Variants in ZNF491 observed in about 807,000 individuals in gnomAD.
ZNF491 encodes the protein zinc finger protein 491.
In ZNF491, 22 loss-of-function variants were observed where a neutral mutation model predicts 34.7. That is an observed-to-expected ratio of 0.63 (90% CI 0.45 to 0.90). ZNF491 has a LOEUF of 0.90. Ranked by LOEUF, ZNF491 falls within the 40% of genes least tolerant of loss-of-function variation. The probability of loss-of-function intolerance (pLI) is 0.00; values close to 1 mark genes in which losing one functional copy is unlikely to be tolerated. For synonymous variants in ZNF491, 148 were observed against 174.3 expected, an observed-to-expected ratio of 0.85 and a Z score of 1.19; for missense variants, 559 against 531.7, an observed-to-expected ratio of 1.05 and a Z score of -0.51.
At chr19:11,805,269 C>T (rs992879244) in intron 2 of ZNF491, among the ~76,000 whole-genome samples, 10 of 151,936 alleles carry the variant, frequency 6.6e-5, no homozygotes, top group Non-Finnish European at 1.2e-4. Context: ...ATTATCCAGG[C>T]GTGGTGGCAC....
rs747449341 is a variant in ZNF491 at position 11,807,084 on chromosome 19, C to T, written c.1131C>T (p.His377=). 22 of 1,608,928 alleles carry T rather than the reference C, an allele frequency of 1.4e-5. No individual in the cohort carries two copies. The highest frequency in any genetic ancestry group is 1.2e-4 in the South Asian group (11 of 90,214). ...CCTTTCATAGACATGAAAGGACTCA[C>T]GCTGGAGAAAAACCTTATGAATGTA... ...VSSFHRHERT[H]AGEKPYECKH... Residue 377 remains histidine, a synonymous_variant, in exon 3 of 3, where the codon CAC becomes CAT. Transcript: ENST00000323169.
chr19:11,805,986 TAGTC>T lies in ZNF491; in HGVS notation c.37_40del (p.Gln13ValfsTer13). ...AGAGACTCTTTGAGAGTGCAGAAGG[TAGTC>T]AGTGTGGAGAAACTTTCACCCAGGT... is the stretch of plus-strand genomic sequence containing the variant. On this transcript the variant is annotated frameshift_variant, in exon 3 of 3. Transcript: ENST00000323169. LOFTEE classifies it high-confidence loss of function. 1 of 1,603,322 alleles carries T rather than the reference TAGTC, an allele frequency of 6.2e-7. No homozygotes were observed. The highest frequency in any genetic ancestry group is 8.5e-7 in the Non-Finnish European group (1 of 1,175,608).
Position 11,806,111 on chromosome 19 carries a change from A to T in ZNF491, c.158A>T (p.Asn53Ile), listed in dbSNP as rs1291381405. Residue 53 changes from asparagine to isoleucine, a missense_variant, in exon 3 of 3, where the codon AAT becomes ATT. By Grantham distance (149) the Asn-to-Ile change is moderately radical. Coordinates refer to ENST00000323169, the MANE Select transcript of ZNF491 (RefSeq NM_152356.4). ...ATCTTCATGGGATATTCATCCTTTA[A>T]TAGGAACATCAGAACTGACACTGGA... Reference protein sequence around the residue: ...GEIFMGYSSFNRNIRTDTGHQ... With the variant: ...GEIFMGYSSFIRNIRTDTGHQ... 6.2e-7 allele frequency: 1 copy of T among 1,613,894 alleles called. No homozygotes were observed. Among genetic ancestry groups the T allele is most frequent in the African/African-American group, 1.3e-5 (1 of 75,040 alleles).
At chr19:11,804,714 T>C in intron 2 of ZNF491, 47 bp downstream of exon 2, 2 of 1,027,052 alleles carry the variant, frequency 1.9e-6, no homozygotes, top group Non-Finnish European at 2.6e-6. Context: ...AGAACATATG[T>C]TTCTAGTTCA....
chr19:11,807,050 G>A lies in ZNF491; in HGVS notation c.1097G>A (p.Cys366Tyr), dbSNP rs1473910392. The change falls in exon 3 of 3, where the codon TGT becomes TAT. Residue 366 changes from cysteine (C) to tyrosine (Y), a missense_variant. Cys to Tyr is a radical substitution (Grantham distance 194). Transcript: ENST00000323169. ...AAGCAATGTGGGAAAGCATTTCATTGTGTCAGCTCCTTTCATAGACATGAA... is the reference window on the plus strand; with the variant it reads ...AAGCAATGTGGGAAAGCATTTCATTATGTCAGCTCCTTTCATAGACATGAA... Reference protein sequence around the residue: ...ECKQCGKAFHCVSSFHRHERT... With the variant: ...ECKQCGKAFHYVSSFHRHERT... The A allele has an allele frequency of 6.2e-7, 1 of 1,609,548 alleles. No individual in the cohort carries two copies. Among genetic ancestry groups the A allele is most frequent in the Non-Finnish European group, 8.5e-7 (1 of 1,178,308 alleles).
Position 11,804,611 on chromosome 19 carries a change from CAGA to C in ZNF491, c.-60_-58del, listed in dbSNP as rs767369913. ...GGAGTGGGCCTTGTTGAATCCTTTC[CAGA>C]AGATCTCTACAGAGATGTGATGCAG... On this transcript the variant is annotated 5_prime_UTR_variant, in exon 2 of 3. Coordinates refer to ENST00000323169, the MANE Select transcript of ZNF491 (RefSeq NM_152356.4). 61 of 1,525,474 alleles carry C rather than the reference CAGA, an allele frequency of 4.0e-5. No individual in the cohort carries two copies. Among genetic ancestry groups the C allele is most frequent in the Admixed American group, 2.2e-4 (10 of 46,470 alleles). 94.5% of individuals were successfully genotyped at this position (1,525,474 alleles called of 1,614,324 possible).
intron 1 of ZNF491, among the ~76,000 whole-genome samples, chr19:11,802,759 T>C (rs367694151): frequency 2.6e-5 from 4 of 152,204 alleles, no homozygotes; most frequent in African/African-American, 9.7e-5. Context: ...TGAATGAGAA[T>C]CAAATCCACT....
At chr19:11,799,779 C>G (rs773944169) in intron 1 of ZNF491, among the ~76,000 whole-genome samples, 10 of 151,940 alleles carry the variant, frequency 6.6e-5, no homozygotes, top group Non-Finnish European at 1.0e-4. Context: ...ACCAAAAATA[C>G]AAAAATTAGC....
chr19:11,801,889 G>GTA (rs1555689199), intron 1 of ZNF491, among the ~76,000 whole-genome samples: 1 of 151,984 alleles, frequency 6.6e-6, no homozygotes, highest in Non-Finnish European at 1.5e-5. Flanking sequence ...ATATCCTGTT[G>GTA]TATATATATA....
rs745935535 is a variant in ZNF491 at position 11,806,938 on chromosome 19, T to TGTAA, written c.987_990dup (p.Gln331Ter). 30 of 1,613,260 alleles carry TGTAA rather than the reference T, an allele frequency of 1.9e-5. No homozygotes were observed. The highest frequency in any genetic ancestry group is 2.7e-5 in the African/African-American group (2 of 74,834). On this transcript the variant is annotated frameshift_variant, in exon 3 of 3. Coordinates refer to ENST00000323169, the MANE Select transcript of ZNF491 (RefSeq NM_152356.4). LOFTEE classifies it high-confidence loss of function. Reference sequence around the variant, plus strand: ...TCACACTGGAGAGAAACCCGATGGGTGTAAGCAATGTGGGAAAGCCTTCAG... The same window carrying TGTAA: ...TCACACTGGAGAGAAACCCGATGGGTGTAAGTAAGCAATGTGGGAAAGCCTTCAG...
intron 1 of ZNF491, among the ~76,000 whole-genome samples, chr19:11,803,312 AT>A (rs1240118093): frequency 6.6e-6 from 1 of 152,126 alleles, no homozygotes; most frequent in African/African-American, 2.4e-5. Flanking sequence ...ATAATTTTAG[AT>A]TTATAGAAAA....
chr19:11,806,868 G>A lies in ZNF491; in HGVS notation c.915G>A (p.Gly305=). 1.2e-6 allele frequency: 2 copies of A among 1,609,998 alleles called. No individual in the cohort carries two copies. Among genetic ancestry groups the A allele is most frequent in the South Asian group, 1.1e-5 (1 of 90,460 alleles). ...GEKPYKCKQC[G]KAFTCSTSFQ... ...AACCCTACAAATGCAAGCAATGTGG[G>A]AAAGCCTTCACTTGTTCCACTTCGT... is the stretch of plus-strand genomic sequence containing the variant. Residue 305 remains glycine (G), a synonymous_variant, in exon 3 of 3, where the codon GGG becomes GGA. Transcript: ENST00000323169.
intron 1 of ZNF491, among the ~76,000 whole-genome samples, chr19:11,803,139 C>T (rs1915802866): frequency 1.3e-5 from 2 of 152,018 alleles, no homozygotes; most frequent in African/African-American, 4.8e-5. Flanking sequence ...CCTGCCACCA[C>T]ACCCGGCTAA....
intron 1 of ZNF491, among the ~76,000 whole-genome samples, chr19:11,803,149 A>G (rs1975573963): frequency 6.6e-6 from 1 of 151,718 alleles, no homozygotes; most frequent in African/African-American, 2.4e-5. Context: ...CACCCGGCTA[A>G]TTTTTGTATT....
In ZNF491 at chr19:11,806,599, A is replaced by G. The variant is rs752032871; in HGVS notation, c.646A>G (p.Lys216Glu). 5 of 1,613,960 alleles carry G rather than the reference A, an allele frequency of 3.1e-6. No individual in the cohort carries two copies. The highest frequency in any genetic ancestry group is 2.2e-5 in the East Asian group (1 of 44,876). ...ERTHTGEKPYKCKECGKAFNC... is the reference protein window; with the variant it reads ...ERTHTGEKPYECKECGKAFNC... ...GACACACACAGGAGAGAAGCCGTAC[A>G]AATGTAAGGAATGTGGGAAAGCCTT... The change falls in exon 3 of 3, where the codon AAA (lysine) becomes GAA (glutamate). Residue 216 changes from lysine to glutamate, a missense_variant. Physicochemically the swap from Lys to Glu is moderately conservative, Grantham distance 56. Coordinates refer to ENST00000323169, the MANE Select transcript of ZNF491 (RefSeq NM_152356.4).
At chr19:11,805,253 T>G (rs960312726) in intron 2 of ZNF491, among the ~76,000 whole-genome samples, 8 of 151,540 alleles carry the variant, frequency 5.3e-5, no homozygotes, top group African/African-American at 1.9e-4. Flanking sequence ...CTAGTAAAAG[T>G]ATAAAATTAT....
rs974045396 is a variant in ZNF491, at chr19:11,807,309, G to T, written c.*42G>T. 1.4e-6 allele frequency: 2 copies of T among 1,430,102 alleles called. No individual in the cohort carries two copies. The highest frequency in any genetic ancestry group is 1.5e-5 in the South Asian group (1 of 64,938). 88.6% of individuals were successfully genotyped at this position (1,430,102 alleles called of 1,614,324 possible). On this transcript the variant is annotated 3_prime_UTR_variant, in exon 3 of 3. Transcript: ENST00000323169. Reference sequence around the variant, plus strand: ...TAATTTTTATTTTAATAGAGACAGGGTCTCACTATCTTGTCCAGGTTGGTC... The same window carrying T: ...TAATTTTTATTTTAATAGAGACAGGTTCTCACTATCTTGTCCAGGTTGGTC...
In ZNF491 at chr19:11,806,658, G is replaced by C; in HGVS notation, c.705G>C (p.Arg235Ser). ...NCPSSFHRHE[R>S]THTGEKPYEC... Reference sequence around the variant, plus strand: ...CCAGTTCTTTTCACAGGCATGAAAGGACTCACACAGGAGAAAAACCCTATG... The same window carrying C: ...CCAGTTCTTTTCACAGGCATGAAAGCACTCACACAGGAGAAAAACCCTATG... Residue 235 changes from arginine to serine, a missense_variant, in exon 3 of 3, where the codon AGG (arginine) becomes AGC (serine). Coordinates refer to ENST00000323169, the MANE Select transcript of ZNF491 (RefSeq NM_152356.4). 1 of 1,613,278 alleles carries C rather than the reference G, an allele frequency of 6.2e-7. No homozygotes were observed. Among genetic ancestry groups the C allele is most frequent in the Non-Finnish European group, 8.5e-7 (1 of 1,179,730 alleles).
chr19:11,805,902 C>T lies in ZNF491; in HGVS notation c.-7-45C>T, dbSNP rs541796242. The T allele has an allele frequency of 1.5e-4, 210 of 1,405,724 alleles. No homozygotes were observed. The South Asian group carries it at 2.5e-3, about 17-fold the overall frequency. The allele number at this position is 1,405,724 out of a possible 1,614,324, so 87.1% of individuals were successfully genotyped here. ...TAATACTTATTAACAAATATTAAAT[C>T]GCTTATAAACAGACCCTTAATTATG... is the stretch of plus-strand genomic sequence containing the variant. On this transcript the variant is annotated intron_variant, in intron 2 of 2. Transcript: ENST00000323169.
Sources: gnomAD v4.1 joint callset for allele counts (sites outside exome capture counted in the v4.1 genomes callset) on GRCh38, gnomAD v4.1.1 for gene constraint, MANE v1.5 for transcripts, NCBI Gene and HGNC (gene_info 2026-07-23, HGNC 2026-07-21) for gene names.